The following FAT3 variants were observed in gnomAD, a reference collection of about 807,000 sequenced individuals.
FAT3 encodes the protein protocadherin Fat 3.
Under a neutral mutation model 310.2 loss-of-function variants are expected in FAT3, and 95 were observed. The observed-to-expected ratio is 0.31, with a 90% confidence interval of 0.26 to 0.36. The LOEUF is 0.36. FAT3 is among the 10% of genes least tolerant of loss of function. The pLI is 1.00. For synonymous variants in FAT3, 2,314 were observed against 2,192.9 expected (o/e 1.06, Z -1.54); for missense variants, 5,408 against 5,715.6 (o/e 0.95, Z 1.74).
intron 1 of FAT3, among the ~76,000 whole-genome samples, chr11:92,235,963 A>G: frequency 6.6e-6 from 1 of 152,202 alleles, no homozygotes; most frequent in East Asian, 1.9e-4. Flanking sequence ...TCACAGTCGA[A>G]GGTAAAATAG....
chr11:92,680,939 G>A (rs978291801), intron 3 of FAT3, among the ~76,000 whole-genome samples: 2 of 152,178 alleles, frequency 1.3e-5, no homozygotes, highest in African/African-American at 4.8e-5. Context: ...ACTTTTAGTG[G>A]TAGAGTCAAA....
At chr11:92,430,674 C>A (rs890983713) in intron 2 of FAT3, among the ~76,000 whole-genome samples, 1 of 152,088 alleles carries the variant, frequency 6.6e-6, no homozygotes, top group East Asian at 1.9e-4. Flanking sequence ...CCCCACCCTA[C>A]AACAGGCCCT....
At chr11:92,656,146 C>T (rs1443766990) in intron 3 of FAT3, among the ~76,000 whole-genome samples, 3 of 152,144 alleles carry the variant, frequency 2.0e-5, no homozygotes, top group Non-Finnish European at 2.9e-5. Context: ...ATCGGCTCTG[C>T]TCTTTTTGAC....
At chr11:92,282,844 C>T (rs1407160773) in intron 1 of FAT3, among the ~76,000 whole-genome samples, 1 of 151,902 alleles carries the variant, frequency 6.6e-6, no homozygotes, top group Non-Finnish European at 1.5e-5. Context: ...CTTATATCAC[C>T]AATTCTGATT....
At chr11:92,274,540 A>C (rs1243885540) in intron 1 of FAT3, among the ~76,000 whole-genome samples, 2 of 152,016 alleles carry the variant, frequency 1.3e-5, no homozygotes, top group African/African-American at 4.8e-5. Context: ...CTGTAAATAC[A>C]ATATGTCAAT....
At chr11:92,785,948 A>C (rs998954077) in intron 7 of FAT3, among the ~76,000 whole-genome samples, 1 of 152,162 alleles carries the variant, frequency 6.6e-6, no homozygotes. Flanking sequence ...TCTATAATTA[A>C]AACATGTTGG....
At chr11:92,260,878 T>G (rs16917259) in intron 1 of FAT3, among the ~76,000 whole-genome samples, 1 of 151,844 alleles carries the variant, frequency 6.6e-6, no homozygotes, top group Admixed American at 6.6e-5. Context: ...TATGCCAACA[T>G]GTAGGACATC....
chr11:92,646,261 T>G (rs1258311755), intron 3 of FAT3, among the ~76,000 whole-genome samples: 1 of 152,214 alleles, frequency 6.6e-6, no homozygotes, highest in East Asian at 1.9e-4. Flanking sequence ...TAGGCTCAGT[T>G]GCGACTGTTA....
chr11:92,457,027 A>G (rs1482853958), intron 2 of FAT3, among the ~76,000 whole-genome samples: 1 of 152,180 alleles, frequency 6.6e-6, no homozygotes, highest in Non-Finnish European at 1.5e-5. Context: ...CAAGTGGTGA[A>G]TCCAAGACTG....
intron 13 of FAT3, among the ~76,000 whole-genome samples, chr11:92,815,856 C>T (rs998811470): frequency 1.3e-5 from 2 of 152,178 alleles, no homozygotes; most frequent in Non-Finnish European, 2.9e-5. Flanking sequence ...CATGTTTGCT[C>T]ATCGTGACAG....
At chr11:92,806,211 T>C (rs1411763791) in intron 11 of FAT3, 151 bp from the exon 12 acceptor site, 2 of 658,878 alleles carry the variant, frequency 3.0e-6, no homozygotes, top group East Asian at 5.5e-5. Flanking sequence ...TGTTTCATAA[T>C]ATATTGAAAT....
intron 3 of FAT3, among the ~76,000 whole-genome samples, chr11:92,535,877 C>T (rs1954241120): frequency 6.6e-6 from 1 of 151,502 alleles, no homozygotes; most frequent in Non-Finnish European, 1.5e-5. Flanking sequence ...GACTGGCATT[C>T]AGTGTGCTTC....
intron 4 of FAT3, among the ~76,000 whole-genome samples, chr11:92,713,377 T>A (rs915782762): frequency 3.9e-5 from 6 of 152,234 alleles, no homozygotes; most frequent in African/African-American, 1.4e-4. Flanking sequence ...TTCAAAGTTG[T>A]CAGAACACTA....
chr11:92,559,182 C>T (rs1235418069), intron 3 of FAT3, among the ~76,000 whole-genome samples: 1 of 151,788 alleles, frequency 6.6e-6, no homozygotes, highest in Non-Finnish European at 1.5e-5. Context: ...ATACAATTCA[C>T]CTATTCAGAT....
At chr11:92,506,130 G>A (rs921264485) in intron 2 of FAT3, among the ~76,000 whole-genome samples, 5 of 152,242 alleles carry the variant, frequency 3.3e-5, no homozygotes, top group Non-Finnish European at 7.4e-5. Context: ...AGTCCAGAAT[G>A]GTCTCCTTGA....
At chr11:92,459,949 T>G (rs2135104271) in intron 2 of FAT3, among the ~76,000 whole-genome samples, 1 of 152,160 alleles carries the variant, frequency 6.6e-6, no homozygotes, top group South Asian at 2.1e-4. Context: ...AGCTATGGTT[T>G]GTGTATGGCA....
At chr11:92,846,180 T>A (rs1043668118) in intron 19 of FAT3, among the ~76,000 whole-genome samples, 1 of 152,018 alleles carries the variant, frequency 6.6e-6, no homozygotes, top group African/African-American at 2.4e-5. Context: ...CACACCAGGG[T>A]TCAAAACGGG....
intron 1 of FAT3, among the ~76,000 whole-genome samples, chr11:92,337,500 C>A (rs1378375281): frequency 6.6e-6 from 1 of 152,192 alleles, no homozygotes; most frequent in Non-Finnish European, 1.5e-5. Context: ...GGTGAGATCT[C>A]AGCTCACTGC....
chr11:92,484,594 T>C (rs1005833341), intron 2 of FAT3, among the ~76,000 whole-genome samples: 5 of 152,182 alleles, frequency 3.3e-5, no homozygotes, highest in African/African-American at 1.2e-4. Context: ...CATTGGATGA[T>C]GGAAGATGAT....
Sources: gnomAD v4.1 joint callset for allele counts (sites outside exome capture counted in the v4.1 genomes callset) on GRCh38, gnomAD v4.1.1 for gene constraint, MANE v1.5 for transcripts, NCBI Gene and HGNC (gene_info 2026-07-23, HGNC 2026-07-21) for gene names.